Variants in COL26A1 observed in about 807,000 individuals in gnomAD.
COL26A1 encodes the protein collagen type XXVI alpha 1 chain.
Under a neutral mutation model 59.3 loss-of-function variants are expected in COL26A1, and 41 were observed. The ratio of observed to expected loss-of-function variants is 0.69; its 90% CI spans 0.54 to 0.90. COL26A1 has a LOEUF of 0.90. COL26A1 is among the 40% of genes least tolerant of loss of function. The pLI, the probability that COL26A1 is intolerant of heterozygous loss-of-function variation, is 0.00. For missense variants in COL26A1, 612 were observed against 602.3 expected (o/e 1.02, Z -0.17); for synonymous variants, 266 against 256.0 (o/e 1.04, Z -0.37).
At chr7:101,387,692 TTA>T (rs1409950795) in intron 1 of COL26A1, among the ~76,000 whole-genome samples, 2 of 140,920 alleles carry the variant, frequency 1.4e-5, no homozygotes, top group South Asian at 2.2e-4. Context: ...GAGAGAGATT[TTA>T]TATATATATT....
At chr7:101,479,866 C>G (rs1308558070) in intron 3 of COL26A1, among the ~76,000 whole-genome samples, 1 of 152,074 alleles carries the variant, frequency 6.6e-6, no homozygotes, top group Non-Finnish European at 1.5e-5. Flanking sequence ...GATCAAATAT[C>G]CATCACCTCA....
At chr7:101,493,422 G>A (rs1000970672) in intron 3 of COL26A1, among the ~76,000 whole-genome samples, 81 of 152,232 alleles carry the variant, frequency 5.3e-4, no homozygotes, top group Middle Eastern at 3.4e-3. Context: ...GGTTCCTGCA[G>A]AGCTGGCTTT....
chr7:101,394,869 C>CTTTTTTTTTTTT (rs61005447), intron 1 of COL26A1, among the ~76,000 whole-genome samples: 156 of 96,982 alleles, frequency 1.6e-3, no homozygotes, highest in Non-Finnish European at 2.2e-3. Flanking sequence ...TTTTTCTTTT[C>CTTTTTTTTTTTT]TTTTTTTTTT....
At chr7:101,481,068 A>G (rs1252739923) in intron 3 of COL26A1, among the ~76,000 whole-genome samples, 1 of 152,204 alleles carries the variant, frequency 6.6e-6, no homozygotes, top group Non-Finnish European at 1.5e-5. Context: ...TCAGATCCAA[A>G]CAAGGCACAG....
intron 8 of COL26A1, among the ~76,000 whole-genome samples, chr7:101,548,284 A>G (rs1156278477): frequency 6.6e-6 from 1 of 152,088 alleles, no homozygotes; most frequent in African/African-American, 2.4e-5. Flanking sequence ...AGGGATCATG[A>G]GAGACCCTCC....
intron 3 of COL26A1, among the ~76,000 whole-genome samples, chr7:101,523,071 CT>C (rs543281151): frequency 3.5e-3 from 493 of 140,198 alleles, no homozygotes; most frequent in Middle Eastern, 0.012. Context: ...AAAAGAAATT[CT>C]TTTTTTTTTT....
intron 3 of COL26A1, among the ~76,000 whole-genome samples, chr7:101,453,105 C>T (rs1375755081): frequency 6.6e-6 from 1 of 152,158 alleles, no homozygotes; most frequent in African/African-American, 2.4e-5. Flanking sequence ...TGGTGGCTCA[C>T]GTTTGTAATC....
chr7:101,479,846 A>G (rs994614987), intron 3 of COL26A1, among the ~76,000 whole-genome samples: 3 of 152,220 alleles, frequency 2.0e-5, no homozygotes, highest in African/African-American at 4.8e-5. Context: ...ATGTGTATAT[A>G]ATACATAATG....
At chr7:101,405,449 C>T (rs972752382) in intron 1 of COL26A1, among the ~76,000 whole-genome samples, 1 of 152,088 alleles carries the variant, frequency 6.6e-6, no homozygotes, top group East Asian at 1.9e-4. Flanking sequence ...ATCCTCCCAC[C>T]TCAGCTCCCC....
chr7:101,476,659 T>C (rs1794054153), intron 3 of COL26A1, among the ~76,000 whole-genome samples: 1 of 151,744 alleles, frequency 6.6e-6, no homozygotes, highest in Admixed American at 6.6e-5. Context: ...GTCATTCTCC[T>C]GCCTCAGCCT....
At chr7:101,517,266 G>A (rs993841200) in intron 3 of COL26A1, among the ~76,000 whole-genome samples, 1 of 152,152 alleles carries the variant, frequency 6.6e-6, no homozygotes, top group Non-Finnish European at 1.5e-5. Context: ...CTGTTCCTCC[G>A]TTGGGTGTCT....
intron 3 of COL26A1, among the ~76,000 whole-genome samples, chr7:101,474,396 A>G (rs997518853): frequency 6.6e-6 from 1 of 150,874 alleles, no homozygotes; most frequent in Non-Finnish European, 1.5e-5. Context: ...CAGGAAGTCG[A>G]GACCAGCCTG....
At chr7:101,398,006 A>C (rs1791899867) in intron 1 of COL26A1, among the ~76,000 whole-genome samples, 4 of 152,186 alleles carry the variant, frequency 2.6e-5, no homozygotes, top group Admixed American at 2.6e-4. Flanking sequence ...ATCACCATAG[A>C]ATAGCTTTGC....
At chr7:101,523,964 T>G (rs1261530362) in intron 3 of COL26A1, among the ~76,000 whole-genome samples, 8 of 151,988 alleles carry the variant, frequency 5.3e-5, no homozygotes, top group African/African-American at 1.9e-4. Context: ...TATTTATTTA[T>G]TTATTTTCAA....
At chr7:101,397,349 T>TTTCCTTCC (rs72039447) in intron 1 of COL26A1, among the ~76,000 whole-genome samples, 1 of 151,558 alleles carries the variant, frequency 6.6e-6, no homozygotes, top group African/African-American at 2.4e-5. Flanking sequence ...ATTGCTTTCT[T>TTTCCTTCC]TTCCTTCCTT....
At chr7:101,526,646 C>T (rs1156428377) in intron 3 of COL26A1, among the ~76,000 whole-genome samples, 1 of 152,230 alleles carries the variant, frequency 6.6e-6, no homozygotes, top group African/African-American at 2.4e-5. Flanking sequence ...GAGGTGGGTC[C>T]TGAATTCTGG....
At chr7:101,412,281 C>T (rs890732249) in intron 1 of COL26A1, among the ~76,000 whole-genome samples, 3 of 152,230 alleles carry the variant, frequency 2.0e-5, no homozygotes, top group East Asian at 1.9e-4. Flanking sequence ...TCCATGACAA[C>T]GACCCAACAA....
At chr7:101,522,348 G>T (rs1336718325) in intron 3 of COL26A1, among the ~76,000 whole-genome samples, 3 of 152,130 alleles carry the variant, frequency 2.0e-5, no homozygotes, top group Non-Finnish European at 2.9e-5. Flanking sequence ...ATATCCATCT[G>T]TCTCAGTCTG....
chr7:101,421,535 C>T (rs1010833458), intron 2 of COL26A1, among the ~76,000 whole-genome samples: 2 of 151,774 alleles, frequency 1.3e-5, no homozygotes, highest in East Asian at 3.9e-4. Flanking sequence ...ATTAGCCAGG[C>T]GTGGTGGTGG....
Sources: gnomAD v4.1 joint callset for allele counts (sites outside exome capture counted in the v4.1 genomes callset) on GRCh38, gnomAD v4.1.1 for gene constraint, MANE v1.5 for transcripts, NCBI Gene and HGNC (gene_info 2026-07-23, HGNC 2026-07-21) for gene names.